Variants in ITPR2 observed in about 807,000 individuals in gnomAD.
ITPR2 encodes inositol 1,4,5-trisphosphate-gated calcium channel ITPR2.
Under a neutral mutation model 317.1 loss-of-function variants are expected in ITPR2, and 207 were observed. That is an observed-to-expected ratio of 0.65 (90% CI 0.58 to 0.73). The LOEUF (loss-of-function observed/expected upper bound fraction) is 0.73. Among genes scored for constraint, ITPR2 ranks in the 30% least tolerant of loss-of-function variants. The pLI is 0.00. For synonymous variants in ITPR2, 1,156 were observed against 1,149.1 expected, an observed-to-expected ratio of 1.01 and a Z score of -0.12; for missense variants, 2,613 against 3,284.0, an observed-to-expected ratio of 0.80 and a Z score of 4.99.
At chr12:26,567,959 TATATATATATTATATATATTATATA>T (rs1945024293) in intron 34 of ITPR2, among the ~76,000 whole-genome samples, 1 of 24,424 alleles carries the variant, frequency 4.1e-5, no homozygotes, top group Non-Finnish European at 1.1e-4. Flanking sequence ...ATTATATATA[TATATATATATTATATATATTATATA>T]TATATATATA....
At chr12:26,628,494 T>C (rs1052437944) in intron 22 of ITPR2, among the ~76,000 whole-genome samples, 2 of 152,208 alleles carry the variant, frequency 1.3e-5, no homozygotes, top group Non-Finnish European at 2.9e-5. Context: ...CAGAGTGCCA[T>C]TGTCTCTGGG....
rs1217143709 is a variant in ITPR2 at position 26,567,940 on chromosome 12, TA to T, written c.4631-5989del. ...TTACTAAGCTAGAAAAATTCTGGTA[TA>T]TATATATATTATATATATATATATA... is the stretch of plus-strand genomic sequence containing the variant. On this transcript the variant is annotated intron_variant, in intron 34 of 56. Transcript: ENST00000381340. Among the ~76,000 whole-genome samples the T allele has an allele frequency of 2.0e-3, 102 of 50,404 alleles. 2 individuals are homozygous for T. Among genetic ancestry groups the T allele is most frequent in the African/African-American group, 6.8e-3 (98 of 14,462 alleles). 33.1% of individuals were successfully genotyped at this position (50,404 alleles called of 152,430 possible).
intron 1 of ITPR2, among the ~76,000 whole-genome samples, chr12:26,807,447 C>T (rs1457304889): frequency 6.6e-6 from 1 of 152,130 alleles, no homozygotes; most frequent in African/African-American, 2.4e-5. Context: ...TGTGTTCAGT[C>T]CATGCCAATG....
intron 55 of ITPR2, among the ~76,000 whole-genome samples, chr12:26,377,838 G>A (rs1052138393): frequency 2.0e-5 from 3 of 152,000 alleles, no homozygotes; most frequent in Non-Finnish European, 2.9e-5. Flanking sequence ...TCCTTAATTC[G>A]TTTCCTTTCT....
Position 26,363,524 on chromosome 12 carries a change from T to C in ITPR2, c.7858-23196A>G, listed in dbSNP as rs149758625. Among the ~76,000 whole-genome samples the C allele has an allele frequency of 1.8e-4, 28 of 151,738 alleles. 1 individual carries two copies. Among genetic ancestry groups the C allele is most frequent in the African/African-American group, 6.5e-4 (27 of 41,378 alleles). ...AAACTGGTCACTGGTGCCAAAAAGG[T>C]TGGGGACTGCTGATCTAGATAATGA... is the stretch of plus-strand genomic sequence containing the variant. On this transcript the variant is annotated intron_variant, in intron 55 of 56. Transcript: ENST00000381340.
At chr12:26,825,427 G>C (rs1330190302) in intron 1 of ITPR2, among the ~76,000 whole-genome samples, 1 of 151,994 alleles carries the variant, frequency 6.6e-6, no homozygotes, top group East Asian at 1.9e-4. Context: ...AAGACCCTCT[G>C]CCTGGAATTT....
At chr12:26,775,959 T>TATATATATATA (rs1263788006) in intron 2 of ITPR2, among the ~76,000 whole-genome samples, 7 of 145,166 alleles carry the variant, frequency 4.8e-5, no homozygotes, top group South Asian at 2.2e-4. Context: ...TATATGTATA[T>TATATATATATA]CCTATTAGTT....
intron 1 of ITPR2, among the ~76,000 whole-genome samples, chr12:26,808,372 A>G (rs1357255040): frequency 1.3e-5 from 2 of 152,236 alleles, no homozygotes; most frequent in South Asian, 2.1e-4. Context: ...AAGAACTAAT[A>G]AAGTACAAGT....
At chr12:26,652,072 CCTAGATAAA>C (rs1947268561) in intron 21 of ITPR2, among the ~76,000 whole-genome samples, 1 of 152,124 alleles carries the variant, frequency 6.6e-6, no homozygotes, top group Non-Finnish European at 1.5e-5. Flanking sequence ...TATTTTCACA[CCTAGATAAA>C]CTTTCTCTTT....
At position 26,387,544 on chromosome 12, in the gene ITPR2, T is replaced by C. The variant is rs1939701466; in HGVS notation, c.7747A>G (p.Ile2583Val). 1.2e-6 allele frequency: 2 copies of C among 1,613,860 alleles called. No individual in the cohort carries two copies. The highest frequency in any genetic ancestry group is 1.3e-5 in the African/African-American group (1 of 75,048). Residue 2583 changes from isoleucine to valine, a missense_variant, in exon 55 of 57, where the codon ATT becomes GTT. Ile to Val is a conservative substitution (Grantham distance 29). Transcript: ENST00000381340. ...TGCCACATATTGTGTTCTGACTTAA[T>C]GTGCTCCTCAAATGAAACCGTTTTA... ...DNKTVSFEEH[I>V]KSEHNMWHYL...
At chr12:26,736,075 C>A (rs941909214) in intron 2 of ITPR2, among the ~76,000 whole-genome samples, 3 of 152,142 alleles carry the variant, frequency 2.0e-5, no homozygotes, top group Non-Finnish European at 4.4e-5. Flanking sequence ...AAAGTTCCTG[C>A]CAAGTTACCT....
intron 52 of ITPR2, among the ~76,000 whole-genome samples, chr12:26,409,926 A>T (rs1488800108): frequency 6.6e-6 from 1 of 152,220 alleles, no homozygotes; most frequent in Non-Finnish European, 1.5e-5. Context: ...CTTCTATTTG[A>T]AATCCCAAAC....
At chr12:26,653,942 A>T in intron 21 of ITPR2, 34 bp downstream of exon 21, 1 of 1,560,498 alleles carries the variant, frequency 6.4e-7, no homozygotes, top group Non-Finnish European at 8.8e-7. Flanking sequence ...CCAAGTAATA[A>T]CAATGATATT....
At chr12:26,784,319 GCCTCTCCCTCTCCCTCTCCCTCTCCC>G (rs1950159177) in intron 2 of ITPR2, among the ~76,000 whole-genome samples, 1 of 31,720 alleles carries the variant, frequency 3.2e-5, no homozygotes, top group African/African-American at 1.5e-4. Context: ...CTCTCCCTCT[GCCTCTCCCTCTCCCTCTCCCTCTCCC>G]TCTCCCTCTC....
intron 55 of ITPR2, chr12:26,373,505 A>G (rs1939248994): frequency 6.6e-6 from 1 of 152,092 alleles, no homozygotes; most frequent in Non-Finnish European, 1.5e-5. Flanking sequence ...GTTCTGGTGA[A>G]CTGGTGCTTT....
intron 45 of ITPR2, among the ~76,000 whole-genome samples, chr12:26,465,603 C>T (rs1457747496): frequency 6.8e-6 from 1 of 146,518 alleles, no homozygotes; most frequent in Non-Finnish European, 1.5e-5. Flanking sequence ...GTTCCTCTTG[C>T]TCCCTCTGGC....
chr12:26,502,677 A>T (rs899489191), intron 37 of ITPR2, among the ~76,000 whole-genome samples: 4 of 152,236 alleles, frequency 2.6e-5, no homozygotes, highest in African/African-American at 9.6e-5. Flanking sequence ...AAGGCAAAGT[A>T]TGTAACTCAG....
chr12:26,447,917 T>C (rs1006352467), intron 45 of ITPR2, among the ~76,000 whole-genome samples: 1 of 151,722 alleles, frequency 6.6e-6, no homozygotes, highest in South Asian at 2.1e-4. Flanking sequence ...ACCAAAGATA[T>C]TCGATTGTCT....
At chr12:26,670,517 C>T (rs1322541575) in intron 13 of ITPR2, among the ~76,000 whole-genome samples, 14 of 152,152 alleles carry the variant, frequency 9.2e-5, no homozygotes, top group Non-Finnish European at 1.9e-4. Context: ...AACTAACAAA[C>T]GGAAAGGACA....
Sources: allele counts gnomAD v4.1 joint callset (sites outside exome capture counted in the v4.1 genomes callset), GRCh38; gene constraint gnomAD v4.1.1; transcripts MANE v1.5; gene names NCBI Gene and HGNC (gene_info 2026-07-23, HGNC 2026-07-21).